Variants in TNR observed in about 807,000 individuals in gnomAD.
TNR encodes tenascin R, also known as tenascin-R.
TNR carries 45 observed loss-of-function variants against 150.4 expected under a neutral mutation model. That is an observed-to-expected ratio of 0.30 (90% confidence interval 0.24 to 0.38). The LOEUF (loss-of-function observed/expected upper bound fraction) is 0.38, where lower values mean the gene tolerates loss of function less well. Ranked by LOEUF, TNR falls within the 10% of genes least tolerant of loss-of-function variation. The probability of loss-of-function intolerance (pLI) is 1.00; values close to 1 mark genes in which losing one functional copy is unlikely to be tolerated. For synonymous variants in TNR, 687 were observed against 678.4 expected, an observed-to-expected ratio of 1.01 and a Z score of -0.20; for missense variants, 1,544 against 1,759.1, an observed-to-expected ratio of 0.88 and a Z score of 2.19.
chr1:175,727,325 G>T (rs1313343380), intron 1 of TNR, among the ~76,000 whole-genome samples: 2 of 152,178 alleles, frequency 1.3e-5, no homozygotes, highest in Non-Finnish European at 2.9e-5. Context: ...ATGCTGAGAG[G>T]CCAAGTACCA....
At chr1:175,598,520 C>T (rs1384871990) in intron 1 of TNR, among the ~76,000 whole-genome samples, 1 of 152,202 alleles carries the variant, frequency 6.6e-6, no homozygotes, top group South Asian at 2.1e-4. Flanking sequence ...TTACCAAAGC[C>T]TTGGACGTGG....
At chr1:175,371,659 A>G (rs181309032) in intron 9 of TNR, among the ~76,000 whole-genome samples, 1 of 152,340 alleles carries the variant, frequency 6.6e-6, no homozygotes. Flanking sequence ...TGAGCTTCTT[A>G]AAGATTCACA....
At chr1:175,418,724 A>G (rs12066645) in intron 2 of TNR, among the ~76,000 whole-genome samples, 57,654 of 139,504 alleles carry the variant, frequency 0.41, 11,688 homozygotes, top group African/African-American at 0.54. Flanking sequence ...GAGAGAGAGA[A>G]AAAAAAAAAA....
intron 2 of TNR, among the ~76,000 whole-genome samples, chr1:175,512,436 G>A (rs1191559386): frequency 6.6e-6 from 1 of 152,192 alleles, no homozygotes; most frequent in Non-Finnish European, 1.5e-5. Flanking sequence ...GCAACTCTTA[G>A]TAGACTCTTT....
intron 6 of TNR, among the ~76,000 whole-genome samples, chr1:175,393,012 T>A (rs1473295890): frequency 2.0e-5 from 3 of 152,198 alleles, no homozygotes; most frequent in Non-Finnish European, 4.4e-5. Flanking sequence ...TGTTCTTTGA[T>A]GTTGAAGAAT....
intron 15 of TNR, among the ~76,000 whole-genome samples, chr1:175,357,569 T>G (rs1651391164): frequency 6.6e-6 from 1 of 152,244 alleles, no homozygotes; most frequent in South Asian, 2.1e-4. Flanking sequence ...ACTATGGTAG[T>G]TCTTCAGACT....
intron 1 of TNR, among the ~76,000 whole-genome samples, chr1:175,674,912 C>G (rs537472942): frequency 6.6e-6 from 1 of 151,990 alleles, no homozygotes; most frequent in Non-Finnish European, 1.5e-5. Context: ...AGCTCTTACC[C>G]GCACAGCTAA....
chr1:175,533,834 G>A lies in TNR; in HGVS notation c.-164-5465C>T, dbSNP rs1360789241. The stretch of plus-strand genomic sequence containing the variant: ...GTGCCTTGCATGCAGGAGCTTTGTT[G>A]GTGATCTTTAACTAGGCATAGAGGA... On this transcript the variant is annotated intron_variant, in intron 1 of 22. Coordinates refer to ENST00000367674, the MANE Select transcript of TNR (RefSeq NM_003285.3). Among the ~76,000 whole-genome samples, 6 of 152,090 alleles carry A rather than the reference G, an allele frequency of 3.9e-5. No homozygotes were observed. The East Asian group carries it at 1.2e-3, about 29-fold the overall frequency.
intron 1 of TNR, among the ~76,000 whole-genome samples, chr1:175,546,606 C>G (rs906069400): frequency 1.3e-5 from 2 of 152,148 alleles, no homozygotes; most frequent in African/African-American, 4.8e-5. Flanking sequence ...ACCAAGTACC[C>G]AAGAGTGGCG....
At chr1:175,477,119 G>T (rs190407232) in intron 2 of TNR, among the ~76,000 whole-genome samples, 201 of 152,178 alleles carry the variant, frequency 1.3e-3, no homozygotes, top group African/African-American at 4.7e-3. Flanking sequence ...AACAACCATG[G>T]ATCATTTTTA....
At chr1:175,585,885 C>T (rs1052283556) in intron 1 of TNR, among the ~76,000 whole-genome samples, 2 of 152,152 alleles carry the variant, frequency 1.3e-5, no homozygotes, top group Admixed American at 1.3e-4. Context: ...GATGTCTTGG[C>T]ACACATAAAG....
chr1:175,665,934 T>C (rs1452955602), intron 1 of TNR, among the ~76,000 whole-genome samples: 1 of 152,184 alleles, frequency 6.6e-6, no homozygotes, highest in Non-Finnish European at 1.5e-5. Flanking sequence ...TCCTGCTTAC[T>C]GAATACCTAC....
chr1:175,532,701 G>T (rs1175193982), intron 1 of TNR, among the ~76,000 whole-genome samples: 2 of 152,180 alleles, frequency 1.3e-5, no homozygotes, highest in Non-Finnish European at 2.9e-5. Flanking sequence ...CGAGGTTTCA[G>T]TCAAGATGTT....
At chr1:175,533,163 T>C (rs1660140305) in intron 1 of TNR, among the ~76,000 whole-genome samples, 1 of 152,234 alleles carries the variant, frequency 6.6e-6, no homozygotes, top group Non-Finnish European at 1.5e-5. Context: ...AACATTTGGC[T>C]CAAATCCTAG....
At chr1:175,449,046 C>A (rs148995707) in intron 2 of TNR, among the ~76,000 whole-genome samples, 2 of 152,304 alleles carry the variant, frequency 1.3e-5, no homozygotes, top group East Asian at 3.9e-4. Flanking sequence ...GGCATTGCCA[C>A]CTGCGGACAC....
At chr1:175,338,861 C>A (rs189550259) in intron 18 of TNR, among the ~76,000 whole-genome samples, 15 of 152,136 alleles carry the variant, frequency 9.9e-5, no homozygotes, top group Admixed American at 9.8e-4. Context: ...TGGTTAGAGT[C>A]GGTTTATGGA....
chr1:175,605,795 C>A (rs1022684144), intron 1 of TNR, among the ~76,000 whole-genome samples: 3 of 152,190 alleles, frequency 2.0e-5, no homozygotes, highest in Non-Finnish European at 4.4e-5. Flanking sequence ...ATCTGCCCAG[C>A]CAGCAAGCAT....
chr1:175,448,492 G>A (rs1352699839), intron 2 of TNR, among the ~76,000 whole-genome samples: 1 of 152,168 alleles, frequency 6.6e-6, no homozygotes, highest in African/African-American at 2.4e-5. Flanking sequence ...TTACAGGCAT[G>A]AGCCGCTGTG....
In TNR at chr1:175,734,034, G is replaced by A. The variant is rs116482117; in HGVS notation, c.-165+9192C>T. Among the ~76,000 whole-genome samples the A allele has an allele frequency of 6.8e-3, 1,043 of 152,312 alleles. 15 individuals are homozygous for A. The highest frequency in any genetic ancestry group is 0.024 in the African/African-American group (989 of 41,564). On this transcript the variant is annotated intron_variant, in intron 1 of 22. Transcript: ENST00000367674. Reference sequence around the variant, plus strand: ...CTCAGAGGCCTTGCAGCCAGGGATTGCTGGTGACAGTATGAGAAGGGAACA... The same window carrying A: ...CTCAGAGGCCTTGCAGCCAGGGATTACTGGTGACAGTATGAGAAGGGAACA...
Sources: allele counts gnomAD v4.1 joint callset (sites outside exome capture counted in the v4.1 genomes callset), GRCh38; gene constraint gnomAD v4.1.1; transcripts MANE v1.5; gene names NCBI Gene and HGNC (gene_info 2026-07-23, HGNC 2026-07-21).